The following FBXO34 variants were observed in gnomAD, a reference collection of about 807,000 sequenced individuals.
The protein encoded by FBXO34 is F-box only protein 34.
Under a neutral mutation model 24.5 loss-of-function variants are expected in FBXO34, and 12 were observed. The observed-to-expected ratio is 0.49, with a 90% CI of 0.31 to 0.79. The LOEUF (loss-of-function observed/expected upper bound fraction) is 0.79, where lower values mean the gene tolerates loss of function less well. FBXO34 is among the 30% of genes least tolerant of loss of function. FBXO34 has a pLI of 0.04. For synonymous variants in FBXO34, 320 were observed against 311.9 expected, an observed-to-expected ratio of 1.03 and a Z score of -0.27; for missense variants, 823 against 857.7, an observed-to-expected ratio of 0.96 and a Z score of 0.51.
intron 1 of FBXO34, among the ~76,000 whole-genome samples, chr14:55,323,202 A>AT (rs1883211282): frequency 3.0e-5 from 1 of 32,926 alleles, no homozygotes; most frequent in Non-Finnish European, 4.4e-5. Flanking sequence ...AAAAAAAAAA[A>AT]AAAAAAAAAA....
At chr14:55,295,338 T>C (rs1459239793) in intron 1 of FBXO34, among the ~76,000 whole-genome samples, 1 of 152,118 alleles carries the variant, frequency 6.6e-6, no homozygotes, top group African/African-American at 2.4e-5. Context: ...GCATTTTATG[T>C]ATATTATCTA....
At chr14:55,323,225 ATTTTTTT>A (rs1194283087) in intron 1 of FBXO34, among the ~76,000 whole-genome samples, 1 of 19,204 alleles carries the variant, frequency 5.2e-5, no homozygotes, top group Non-Finnish European at 7.0e-5. Context: ...AAAAATATAT[ATTTTTTT>A]TTTTTTTTTT....
chr14:55,371,668 A>G (rs779060166), downstream of FBXO34, among the ~76,000 whole-genome samples: 24 of 152,224 alleles, frequency 1.6e-4, no homozygotes, highest in Non-Finnish European at 2.5e-4. Context: ...GCTGGGTGTG[A>G]TGGCGGGCAC....
rs1024775493 is a variant in FBXO34, at chr14:55,351,646, A to G, written c.1256A>G (p.His419Arg). 5.6e-6 allele frequency: 9 copies of G among 1,614,048 alleles called. No homozygotes were observed. The highest frequency in any genetic ancestry group is 2.7e-5 in the African/African-American group (2 of 74,916). Reference sequence around the variant, plus strand: ...CTCGTTGGGTTACCTTTTTCCTCTCATACCTATTCCCAAGCCTCTGAATTG... The same window carrying G: ...CTCGTTGGGTTACCTTTTTCCTCTCGTACCTATTCCCAAGCCTCTGAATTG... ...DELVGLPFSS[H>R]TYSQASELPT... The change falls in exon 2 of 2, where the codon CAT becomes CGT. Residue 419 changes from histidine to arginine, a missense_variant. Physicochemically the swap from His to Arg is conservative, Grantham distance 29. Coordinates refer to ENST00000313833, the MANE Select transcript of FBXO34 (RefSeq NM_017943.4).
intron 1 of FBXO34, among the ~76,000 whole-genome samples, chr14:55,346,943 T>A (rs1347718873): frequency 2.6e-5 from 4 of 152,112 alleles, no homozygotes; most frequent in African/African-American, 4.8e-5. Context: ...ACATCCAGAA[T>A]CCTACTCTTA....
At chr14:55,429,980 T>A in the FBXO34 span, among the ~76,000 whole-genome samples, 4 of 152,036 alleles carry the variant, frequency 2.6e-5, no homozygotes, top group African/African-American at 9.7e-5. Flanking sequence ...TCACCCAATC[T>A]TCAATTCAAT....
At chr14:55,356,627 T>TA (rs1464225084), downstream of FBXO34, among the ~76,000 whole-genome samples, 14 of 148,264 alleles carry the variant, frequency 9.4e-5, no homozygotes, top group Admixed American at 5.4e-4. Flanking sequence ...GATTTTTTTA[T>TA]TTTTTTATTT....
chr14:55,320,444 T>C (rs562542567), intron 1 of FBXO34, among the ~76,000 whole-genome samples: 1 of 152,286 alleles, frequency 6.6e-6, no homozygotes, highest in South Asian at 2.1e-4. Context: ...TTGCTAATAC[T>C]GGGTGCTTTT....
chr14:55,341,388 C>T (rs989510840), intron 1 of FBXO34, among the ~76,000 whole-genome samples: 1 of 152,106 alleles, frequency 6.6e-6, no homozygotes, highest in African/African-American at 2.4e-5. Flanking sequence ...GTTTAGAATC[C>T]TTACTCAAGT....
chr14:55,402,171 T>C, the FBXO34 span, among the ~76,000 whole-genome samples: 1 of 152,130 alleles, frequency 6.6e-6, no homozygotes, highest in African/African-American at 2.4e-5. Flanking sequence ...ACACCCACAA[T>C]TTACTGAGCA....
At chr14:55,431,666 A>C in the FBXO34 span, among the ~76,000 whole-genome samples, 1 of 152,254 alleles carries the variant, frequency 6.6e-6, no homozygotes, top group Admixed American at 6.5e-5. Context: ...TGAAGAACTT[A>C]ATATGTAAAA....
chr14:55,425,957 G>T, the FBXO34 span, among the ~76,000 whole-genome samples: 1 of 152,078 alleles, frequency 6.6e-6, no homozygotes, highest in Non-Finnish European at 1.5e-5. Context: ...TTTATATCAG[G>T]ATACCTTTGA....
the FBXO34 span, among the ~76,000 whole-genome samples, chr14:55,437,789 T>C: frequency 6.6e-6 from 1 of 152,248 alleles, no homozygotes; most frequent in Non-Finnish European, 1.5e-5. Context: ...TATAGTTGAA[T>C]GCTAATCAAG....
the FBXO34 span, among the ~76,000 whole-genome samples, chr14:55,422,004 A>G: frequency 1.3e-5 from 2 of 152,212 alleles, no homozygotes; most frequent in South Asian, 4.1e-4. Flanking sequence ...TATAAAAATT[A>G]AAGTAATGAG....
At chr14:55,318,671 G>GTAA (rs1883024751) in intron 1 of FBXO34, among the ~76,000 whole-genome samples, 1 of 151,362 alleles carries the variant, frequency 6.6e-6, no homozygotes, top group South Asian at 2.1e-4. Context: ...GGCTTTATCA[G>GTAA]TTTTTTATAT....
the FBXO34 span, chr14:55,413,560 G>A: frequency 2.3e-6 from 1 of 437,288 alleles, no homozygotes; most frequent in South Asian, 2.0e-5. Context: ...CACCTATTAT[G>A]CCATGAACTC....
chr14:55,297,162 A>G (rs964993637), intron 1 of FBXO34, among the ~76,000 whole-genome samples: 1 of 152,158 alleles, frequency 6.6e-6, no homozygotes, highest in Non-Finnish European at 1.5e-5. Context: ...CTGCCGGCAT[A>G]TATGTCTGCA....
intron 1 of FBXO34, among the ~76,000 whole-genome samples, chr14:55,277,665 C>G (rs899089400): frequency 1.3e-5 from 2 of 152,086 alleles, no homozygotes; most frequent in African/African-American, 4.8e-5. Flanking sequence ...AATTAGGTAT[C>G]TGAAGAGAGA....
At chr14:55,391,065 C>T in the FBXO34 span, 1 of 986,386 alleles carries the variant, frequency 1.0e-6, no homozygotes. Context: ...CCTGGGATCA[C>T]TGCTTATTTT....
Sources: gnomAD v4.1 joint callset for allele counts (sites outside exome capture counted in the v4.1 genomes callset) on GRCh38, gnomAD v4.1.1 for gene constraint, MANE v1.5 for transcripts, NCBI Gene and HGNC (gene_info 2026-07-23, HGNC 2026-07-21) for gene names.